The following MAD1L1 variants were observed in gnomAD, a reference collection of about 807,000 sequenced individuals.
MAD1L1 encodes the protein mitotic arrest deficient 1 like 1, also known as mitotic spindle assembly checkpoint protein MAD1.
Under a neutral mutation model 96.9 loss-of-function variants are expected in MAD1L1, and 95 were observed. That is an observed-to-expected ratio of 0.98 (90% CI 0.83 to 1.16). The LOEUF (loss-of-function observed/expected upper bound fraction) is 1.16, where lower values mean the gene tolerates loss of function less well. Among genes scored for constraint, MAD1L1 ranks in the 50% most tolerant of loss-of-function variants. The pLI, the probability that MAD1L1 is intolerant of heterozygous loss-of-function variation, is 0.00. For missense variants in MAD1L1, 1,007 were observed against 954.4 expected, an observed-to-expected ratio of 1.06 and a Z score of -0.73; for synonymous variants, 473 against 396.6, an observed-to-expected ratio of 1.19 and a Z score of -2.29.
chr7:1,965,871 G>A (rs370290410), intron 15 of MAD1L1, among the ~76,000 whole-genome samples: 1 of 152,386 alleles, frequency 6.6e-6, no homozygotes, highest in East Asian at 1.9e-4. Flanking sequence ...CACGTCCCTG[G>A]AGGACCACAA....
intron 16 of MAD1L1, among the ~76,000 whole-genome samples, chr7:1,949,129 A>T (rs979186053): frequency 2.0e-5 from 3 of 151,884 alleles, no homozygotes; most frequent in South Asian, 2.1e-4. Context: ...TGGCTCTCCT[A>T]GGAGGGGCCC....
Position 1,817,925 on chromosome 7 carries a change from C to A in MAD1L1, c.1999-1697G>T, listed in dbSNP as rs192796550. Among the ~76,000 whole-genome samples the A allele has an allele frequency of 4.9e-3, 743 of 152,072 alleles. 8 individuals are homozygous for A. Among genetic ancestry groups the A allele is most frequent in the South Asian group, 0.023 (108 of 4,794 alleles). ...TTTGGAGCACGTGCTGCCCCAGAGG[C>A]CCTGCGACCTGACCTGTTCCTGCAC... On this transcript the variant is annotated intron_variant, in intron 18 of 18. Transcript: ENST00000265854.
intron 14 of MAD1L1, 148 bp downstream of exon 14, chr7:2,001,917 A>G: frequency 1.2e-6 from 1 of 802,252 alleles, no homozygotes; most frequent in Non-Finnish European, 2.1e-6. Context: ...CTCCTCACAC[A>G]CCCTTCCCCG....
chr7:2,220,734 C>G (rs1024857180), intron 5 of MAD1L1: 1 of 840,266 alleles, frequency 1.2e-6, no homozygotes, highest in East Asian at 2.9e-5. Context: ...ATGGGGGCTG[C>G]GTGCTCCCCA....
At chr7:1,838,079 C>G (rs1377737619) in intron 18 of MAD1L1, among the ~76,000 whole-genome samples, 1 of 152,240 alleles carries the variant, frequency 6.6e-6, no homozygotes, top group Admixed American at 6.5e-5. Context: ...ATATTCCTAA[C>G]CCCGTGCAGG....
intron 18 of MAD1L1, among the ~76,000 whole-genome samples, chr7:1,832,948 A>C (rs1782780078): frequency 6.6e-6 from 1 of 151,992 alleles, no homozygotes; most frequent in Admixed American, 6.6e-5. Context: ...TGTTTTTAAG[A>C]AACTGTCACA....
At chr7:1,832,630 T>TTGG (rs56664541) in intron 18 of MAD1L1, among the ~76,000 whole-genome samples, 31 of 2,346 alleles carry the variant, frequency 0.013, no homozygotes, top group Middle Eastern at 0.12. Flanking sequence ...TTTTTTTTTT[T>TTGG]GGCGGGGGGG....
At chr7:2,021,155 G>A (rs1302834774) in intron 12 of MAD1L1, among the ~76,000 whole-genome samples, 1 of 152,178 alleles carries the variant, frequency 6.6e-6, no homozygotes, top group Non-Finnish European at 1.5e-5. Flanking sequence ...AGCGAACACA[G>A]TAAGTATCTG....
At chr7:2,010,763 C>A (rs1191244748) in intron 13 of MAD1L1, among the ~76,000 whole-genome samples, 1 of 152,202 alleles carries the variant, frequency 6.6e-6, no homozygotes, top group Non-Finnish European at 1.5e-5. Flanking sequence ...CTGGCGACTA[C>A]CCCGAGCCCA....
At position 1,830,256 on chromosome 7, in the gene MAD1L1, G is replaced by A. The variant is rs369911013; in HGVS notation, c.1999-14028C>T. On this transcript the variant is annotated intron_variant, in intron 18 of 18. Coordinates refer to ENST00000265854, the MANE Select transcript of MAD1L1 (RefSeq NM_001013836.2). ...TACTAAAAATACAAAAATTGGCCACGTGCAGTGGCACATCCCTGTAATCCC... is the reference window on the plus strand; with the variant it reads ...TACTAAAAATACAAAAATTGGCCACATGCAGTGGCACATCCCTGTAATCCC... 3.0e-4 allele frequency among the ~76,000 whole-genome samples: 46 copies of A among 152,352 alleles called. 1 individual carries two copies. In the South Asian group the frequency reaches 6.0e-3, roughly 20 times the overall value.
chr7:1,837,633 G>A (rs1218859574), intron 18 of MAD1L1, among the ~76,000 whole-genome samples: 4 of 152,198 alleles, frequency 2.6e-5, no homozygotes, highest in Non-Finnish European at 5.9e-5. Context: ...ATAGCAACAC[G>A]GATAAATCTC....
intron 14 of MAD1L1, among the ~76,000 whole-genome samples, chr7:1,998,724 C>G (rs116223404): frequency 0.047 from 7,071 of 150,114 alleles, 589 homozygotes; most frequent in African/African-American, 0.16. Flanking sequence ...GTGTCCCCCA[C>G]CAACCCCCTG....
intron 11 of MAD1L1, among the ~76,000 whole-genome samples, chr7:2,111,583 T>A (rs1200394234): frequency 6.6e-6 from 1 of 152,156 alleles, no homozygotes; most frequent in Non-Finnish European, 1.5e-5. Flanking sequence ...GGGCTACAAC[T>A]CCATGATGAC....
chr7:2,069,250 C>G lies in MAD1L1; in HGVS notation c.1162G>C (p.Glu388Gln). The G allele has an allele frequency of 6.2e-7, 1 of 1,612,130 alleles. No individual in the cohort carries two copies. The highest frequency in any genetic ancestry group is 8.5e-7 in the Non-Finnish European group (1 of 1,179,604). Residue 388 changes from glutamate (E) to glutamine (Q), a missense_variant, in exon 12 of 19, where the codon GAG becomes CAG. By Grantham distance (29) the Glu-to-Gln change is conservative. Transcript: ENST00000265854. ...CTCCGGGCCAGCGCCTCGTGGGTCT[C>G]GCGCTTCTTCCTCTCCTCCAACAGC... ...GQLLEERKKRETHEALARRLQ... is the reference protein window; with the variant it reads ...GQLLEERKKRQTHEALARRLQ...
intron 11 of MAD1L1, among the ~76,000 whole-genome samples, chr7:2,098,007 C>G (rs1335039246): frequency 6.6e-6 from 1 of 152,224 alleles, no homozygotes; most frequent in South Asian, 2.1e-4. Flanking sequence ...TAAGACGGAA[C>G]TGAGAGGAAG....
chr7:1,894,542 T>C (rs1405871543), intron 18 of MAD1L1, among the ~76,000 whole-genome samples: 1 of 152,196 alleles, frequency 6.6e-6, no homozygotes, highest in Non-Finnish European at 1.5e-5. Flanking sequence ...GAGCCACAGT[T>C]ACTTCTACTC....
At chr7:1,935,841 C>G (rs1778564399) in intron 17 of MAD1L1, among the ~76,000 whole-genome samples, 1 of 152,248 alleles carries the variant, frequency 6.6e-6, no homozygotes, top group African/African-American at 2.4e-5. Context: ...CAGACACCCC[C>G]AAGGGAGGGG....
intron 12 of MAD1L1, among the ~76,000 whole-genome samples, chr7:2,060,297 AC>A: frequency 6.7e-6 from 1 of 150,238 alleles, no homozygotes; most frequent in Non-Finnish European, 1.5e-5. Flanking sequence ...ATCCCGAGAT[AC>A]GCCGATCCCG....
At chr7:1,897,225 C>A (rs1013077980) in intron 18 of MAD1L1, among the ~76,000 whole-genome samples, 26 of 96,824 alleles carry the variant, frequency 2.7e-4, no homozygotes, top group African/African-American at 1.4e-3. Flanking sequence ...ATGCGTAGGC[C>A]GCACTGGGTA....
Sources: allele counts gnomAD v4.1 joint callset (sites outside exome capture counted in the v4.1 genomes callset), GRCh38; gene constraint gnomAD v4.1.1; transcripts MANE v1.5; gene names NCBI Gene and HGNC (gene_info 2026-07-23, HGNC 2026-07-21).